Variants in LIN28B observed in about 807,000 individuals in gnomAD.
LIN28B encodes the protein protein lin-28 homolog B.
LIN28B carries 5 observed loss-of-function variants against 21.9 expected under a neutral mutation model. The observed-to-expected ratio is 0.23, with a 90% CI of 0.12 to 0.48. The LOEUF (loss-of-function observed/expected upper bound fraction) is 0.48. LIN28B is among the 20% of genes least tolerant of loss of function. The pLI is 0.98. For missense variants in LIN28B, 245 were observed against 310.5 expected (o/e 0.79, Z 1.58); for synonymous variants, 109 against 111.3 (o/e 0.98, Z 0.13).
In LIN28B at chr6:104,959,943, A is replaced by G. The variant is rs571652935; in HGVS notation, c.198+1657A>G. On this transcript the variant is annotated intron_variant, in intron 2 of 3. Coordinates refer to ENST00000345080, the MANE Select transcript of LIN28B (RefSeq NM_001004317.4). Reference sequence around the variant, plus strand: ...TCTAAAATATTCATCAAATGTTAAGATATTTTATTAACCAATGTTAATGTT... The same window carrying G: ...TCTAAAATATTCATCAAATGTTAAGGTATTTTATTAACCAATGTTAATGTT... 5.1e-4 allele frequency among the ~76,000 whole-genome samples: 77 copies of G among 152,296 alleles called. 1 individual carries two copies. Among genetic ancestry groups the G allele is most frequent in the Admixed American group, 1.0e-3 (16 of 15,286 alleles).
At chr6:105,006,169 T>C (rs1770812014) in intron 2 of LIN28B, among the ~76,000 whole-genome samples, 1 of 152,202 alleles carries the variant, frequency 6.6e-6, no homozygotes, top group African/African-American at 2.4e-5. Flanking sequence ...CTAAACACTT[T>C]AACACTACAT....
chr6:104,961,748 A>G (rs891019239), intron 2 of LIN28B, among the ~76,000 whole-genome samples: 2 of 152,180 alleles, frequency 1.3e-5, no homozygotes, highest in African/African-American at 4.8e-5. Context: ...GAATATGATT[A>G]TTTTGTAAGT....
chr6:105,001,054 G>C (rs938269307), intron 2 of LIN28B, among the ~76,000 whole-genome samples: 1 of 152,124 alleles, frequency 6.6e-6, no homozygotes, highest in African/African-American at 2.4e-5. Flanking sequence ...CATCTTGTTA[G>C]AAGCCTTTGA....
At chr6:105,045,610 C>T (rs1771742040) in intron 3 of LIN28B, 1 of 152,064 alleles carries the variant, frequency 6.6e-6, no homozygotes, top group Admixed American at 6.6e-5. Flanking sequence ...TGTATAGGGG[C>T]CATACTAATC....
chr6:105,065,254 C>A (rs2114407363), intron 3 of LIN28B, among the ~76,000 whole-genome samples: 1 of 152,264 alleles, frequency 6.6e-6, no homozygotes, highest in African/African-American at 2.4e-5. Context: ...TGAAGGGCAC[C>A]CTCAGTCAGC....
chr6:104,962,215 T>G (rs1395183865), intron 2 of LIN28B, among the ~76,000 whole-genome samples: 1 of 152,120 alleles, frequency 6.6e-6, no homozygotes, highest in Non-Finnish European at 1.5e-5. Flanking sequence ...TACATAAATG[T>G]ATTTCATTTA....
rs918124695 is a variant in LIN28B, at chr6:105,082,253, G to A, written c.*3470G>A. 6.6e-6 allele frequency: 1 copy of A among 152,596 alleles called. No homozygotes were observed. The highest frequency in any genetic ancestry group is 2.4e-5 in the African/African-American group (1 of 41,446). The allele number at this position is 152,596 out of a possible 1,614,324, so 9.5% of individuals were successfully genotyped here. The stretch of plus-strand genomic sequence containing the variant: ...AATGTAAGAAAAAAGATCAAGAAAT[G>A]TCATGTTATTAGCATCAGTCCACCT... On this transcript the variant is annotated 3_prime_UTR_variant, in exon 4 of 4. Transcript: ENST00000345080.
intron 2 of LIN28B, among the ~76,000 whole-genome samples, chr6:104,948,324 A>G (rs541780287): frequency 3.9e-5 from 6 of 151,968 alleles, no homozygotes; most frequent in Non-Finnish European, 7.4e-5. Flanking sequence ...AAAATTAGCC[A>G]GGCATGGTCG....
chr6:105,000,511 A>C (rs1481185965), intron 2 of LIN28B, among the ~76,000 whole-genome samples: 1 of 152,194 alleles, frequency 6.6e-6, no homozygotes, highest in Non-Finnish European at 1.5e-5. Context: ...GCAAAATTCT[A>C]TTTTAATGCT....
intron 3 of LIN28B, among the ~76,000 whole-genome samples, chr6:105,063,312 G>A (rs966253732): frequency 6.6e-5 from 10 of 152,084 alleles, no homozygotes; most frequent in African/African-American, 2.2e-4. Flanking sequence ...TGTGTTCAAT[G>A]TAAGGTTAAA....
chr6:105,028,793 T>C (rs940780653), intron 3 of LIN28B, among the ~76,000 whole-genome samples: 2 of 152,078 alleles, frequency 1.3e-5, no homozygotes, highest in Non-Finnish European at 2.9e-5. Flanking sequence ...TGGCAACATT[T>C]AGCAAAAAGA....
In LIN28B at chr6:105,058,277, C is replaced by T. The variant is rs79797525; in HGVS notation, c.384-20137C>T. 6.4e-4 allele frequency among the ~76,000 whole-genome samples: 97 copies of T among 152,294 alleles called. No homozygotes were observed. The East Asian group carries it at 0.019, about 29-fold the overall frequency. ...AAGGGGGAGATCGTTTTCTCTTCCT[C>T]CCACCACATAGTTGGGAGCAGAAAA... On this transcript the variant is annotated intron_variant, in intron 3 of 3. Transcript: ENST00000345080.
intron 3 of LIN28B, among the ~76,000 whole-genome samples, chr6:105,069,463 G>A (rs1350997555): frequency 5.9e-5 from 9 of 151,920 alleles, no homozygotes; most frequent in Middle Eastern, 3.4e-3. Flanking sequence ...AGTGGCTCAC[G>A]CCTCTAATCC....
At chr6:105,071,021 C>T (rs923327892) in intron 3 of LIN28B, among the ~76,000 whole-genome samples, 1 of 152,074 alleles carries the variant, frequency 6.6e-6, no homozygotes, top group Non-Finnish European at 1.5e-5. Context: ...AAATTATAGG[C>T]ACGCACTACC....
chr6:104,938,313 T>C (rs1368367975), intron 2 of LIN28B, among the ~76,000 whole-genome samples: 1 of 151,834 alleles, frequency 6.6e-6, no homozygotes, highest in African/African-American at 2.4e-5. Flanking sequence ...GGATTCACTT[T>C]TATAAAGAAA....
chr6:104,991,611 G>A (rs967106954), intron 2 of LIN28B, among the ~76,000 whole-genome samples: 1 of 151,998 alleles, frequency 6.6e-6, no homozygotes, highest in Non-Finnish European at 1.5e-5. Context: ...CAGATGGGGT[G>A]GTGGCCGGGC....
At chr6:105,052,800 A>G (rs2114388227) in intron 3 of LIN28B, among the ~76,000 whole-genome samples, 1 of 152,176 alleles carries the variant, frequency 6.6e-6, no homozygotes, top group East Asian at 1.9e-4. Context: ...CATTCTAACT[A>G]GGAGTTTATT....
At chr6:105,000,058 A>C (rs1169501559) in intron 2 of LIN28B, among the ~76,000 whole-genome samples, 1 of 152,122 alleles carries the variant, frequency 6.6e-6, no homozygotes, top group East Asian at 1.9e-4. Flanking sequence ...TGCTTCAACC[A>C]GAATGTTTTG....
At chr6:104,972,774 T>G (rs1770005583) in intron 2 of LIN28B, among the ~76,000 whole-genome samples, 3 of 152,164 alleles carry the variant, frequency 2.0e-5, no homozygotes, top group Admixed American at 1.3e-4. Context: ...TCAGTATTTA[T>G]TTTTTTGGAT....
Sources: allele counts gnomAD v4.1 joint callset (sites outside exome capture counted in the v4.1 genomes callset), GRCh38; gene constraint gnomAD v4.1.1; transcripts MANE v1.5; gene names NCBI Gene and HGNC (gene_info 2026-07-23, HGNC 2026-07-21).